PNPLA1: variants seen among roughly 807,000 people sequenced by gnomAD.
The protein encoded by PNPLA1 is patatin like domain 1, omega-hydroxyceramide transacylase.
Under a neutral mutation model 51.7 loss-of-function variants are expected in PNPLA1, and 36 were observed. That is an observed-to-expected ratio of 0.70 (90% confidence interval 0.53 to 0.92). The LOEUF (loss-of-function observed/expected upper bound fraction) is 0.92, where lower values mean the gene tolerates loss of function less well. Among genes scored for constraint, PNPLA1 ranks in the 40% least tolerant of loss-of-function variants. PNPLA1 has a pLI of 0.00. For synonymous variants in PNPLA1, 293 were observed against 280.1 expected (o/e 1.05, Z -0.46); for missense variants, 658 against 682.5 (o/e 0.96, Z 0.40).
chr6:36,252,187 C>T (rs1288130409), intron 1 of PNPLA1, among the ~76,000 whole-genome samples: 1 of 152,094 alleles, frequency 6.6e-6, no homozygotes, highest in African/African-American at 2.4e-5. Context: ...AAGGGCTTTC[C>T]CAGCCTCCCC....
rs185465254 is a variant in PNPLA1, at chr6:36,298,149, C to T, written c.775+2725C>T. ...AAATAGTTTGTTCCTTTTTACGTTC[C>T]GTGCCACTGTATGAATGTACCACAG... On this transcript the variant is annotated intron_variant, in intron 5 of 8. Coordinates refer to ENST00000636260, the MANE Select transcript of PNPLA1 (RefSeq NM_001374623.1). Among the ~76,000 whole-genome samples, 6 of 152,170 alleles carry T rather than the reference C, an allele frequency of 3.9e-5. No individual in the cohort carries two copies. The East Asian group carries it at 7.7e-4, about 20-fold the overall frequency.
At chr6:36,304,058 A>G (rs1771156973) in intron 6 of PNPLA1, among the ~76,000 whole-genome samples, 1 of 152,126 alleles carries the variant, frequency 6.6e-6, no homozygotes, top group African/African-American at 2.4e-5. Flanking sequence ...TAAAATGCTC[A>G]GGTGCAGTGC....
At chr6:36,252,563 A>G (rs920121977) in intron 1 of PNPLA1, among the ~76,000 whole-genome samples, 7 of 147,320 alleles carry the variant, frequency 4.8e-5, no homozygotes, top group African/African-American at 1.7e-4. Flanking sequence ...AAAAAAACCC[A>G]GGCACTGATG....
intron 1 of PNPLA1, among the ~76,000 whole-genome samples, chr6:36,278,802 C>T (rs770176254): frequency 3.9e-5 from 6 of 152,198 alleles, no homozygotes; most frequent in Admixed American, 6.5e-5. Flanking sequence ...AACATTCATT[C>T]GCTCATTCAT....
upstream of PNPLA1, among the ~76,000 whole-genome samples, chr6:36,268,221 T>A (rs570622384): frequency 4.6e-5 from 7 of 152,222 alleles, no homozygotes; most frequent in South Asian, 1.5e-3. Context: ...ATCTCTGGGG[T>A]CTATCTGTTC....
chr6:36,307,682 C>A lies in PNPLA1; in HGVS notation c.1565C>A (p.Ser522Ter). 4 of 1,613,892 alleles carry A rather than the reference C, an allele frequency of 2.5e-6. No homozygotes were observed. Among genetic ancestry groups the A allele is most frequent in the Non-Finnish European group, 3.4e-6 (4 of 1,179,930 alleles). Reference protein sequence around the residue: ...SGTRKGFPRHSGSKKPSSKVQ... With the variant: ...SGTRKGFPRH ...ACCAGAAAAGGCTTCCCAAGACATT[C>A]GGGATCCAAAAAACCAAGCAGCAAA... The change falls in exon 8 of 9, where the codon TCG (serine) becomes TAG (stop). Residue 522 changes from serine (S) to a stop codon, truncating the protein, a stop_gained. Transcript: ENST00000636260. LOFTEE classifies it low-confidence loss of function (END_TRUNC).
rs1561870739 is a variant in PNPLA1, at chr6:36,301,866, G to GT, written c.784dup (p.Tyr262LeufsTer3). The GT allele has an allele frequency of 6.2e-7, 1 of 1,613,034 alleles. No individual in the cohort carries two copies. The highest frequency in any genetic ancestry group is 8.5e-7 in the Non-Finnish European group (1 of 1,179,170). On this transcript the variant is annotated frameshift_variant, in exon 6 of 9. Coordinates refer to ENST00000636260, the MANE Select transcript of PNPLA1 (RefSeq NM_001374623.1). LOFTEE classifies it high-confidence loss of function. ...CATGCTATTGTTTATCCTAGATGCT[G>GT]TTTATCTTAATTCTTCCTCCAAGAG...
intron 1 of PNPLA1, among the ~76,000 whole-genome samples, chr6:36,250,794 C>A (rs1769403492): frequency 6.6e-6 from 1 of 152,138 alleles, no homozygotes; most frequent in Non-Finnish European, 1.5e-5. Flanking sequence ...ACCTCTGACT[C>A]CCCGGTTCAA....
intron 8 of PNPLA1, among the ~76,000 whole-genome samples, chr6:36,309,143 G>A (rs1028700802): frequency 5.3e-5 from 8 of 152,158 alleles, no homozygotes; most frequent in Non-Finnish European, 1.2e-4. Flanking sequence ...GGCTCATCTC[G>A]AAGTCTAAGC....
At position 36,294,244 on chromosome 6, in the gene PNPLA1, G is replaced by T; in HGVS notation, c.559G>T (p.Ala187Ser). The change falls in exon 4 of 9, where the codon GCC (alanine) becomes TCC (serine). Residue 187 changes from alanine (A) to serine (S), a missense_variant. Ala to Ser is a moderately conservative substitution (Grantham distance 99, BLOSUM62 1). Coordinates refer to ENST00000636260, the MANE Select transcript of PNPLA1 (RefSeq NM_001374623.1). The surrounding 1 kb of genome is among the most constrained non-coding windows in gnomAD (Gnocchi z 4.2). ...GMQPCAFWTD[A>S]ITISTFSGQQ... is the part of the protein sequence containing the mutation. ...GCAGCCCTGTGCCTTCTGGACCGAC[G>T]CCATCACCATCTCCACCTTCAGTGG... 6.2e-7 allele frequency: 1 copy of T among 1,614,168 alleles called. No homozygotes were observed. The highest frequency in any genetic ancestry group is 2.2e-5 in the East Asian group (1 of 44,894).
At chr6:36,266,824 A>C (rs537250508), upstream of PNPLA1, among the ~76,000 whole-genome samples, 27 of 152,350 alleles carry the variant, frequency 1.8e-4, no homozygotes, top group African/African-American at 3.8e-4. Context: ...CGTTTTGGCA[A>C]GAATAATCAC....
intron 8 of PNPLA1, among the ~76,000 whole-genome samples, chr6:36,309,372 G>T (rs1008997073): frequency 6.6e-6 from 1 of 152,110 alleles, no homozygotes; most frequent in Non-Finnish European, 1.5e-5. Context: ...CCTGACCTTT[G>T]AGTGTCCTTA....
Position 36,309,578 on chromosome 6 carries a change from G to A in PNPLA1, c.1595+1866G>A, listed in dbSNP as rs994571414. ...TGTGCAATTCAGCAAGAGCCACTTTGGTTAACAAACCTTCTGGGAATGAAG... is the reference window on the plus strand; with the variant it reads ...TGTGCAATTCAGCAAGAGCCACTTTAGTTAACAAACCTTCTGGGAATGAAG... On this transcript the variant is annotated intron_variant, in intron 8 of 8. Coordinates refer to ENST00000636260, the MANE Select transcript of PNPLA1 (RefSeq NM_001374623.1). Among the ~76,000 whole-genome samples, 5 of 152,270 alleles carry A rather than the reference G, an allele frequency of 3.3e-5. 1 individual carries two copies.
chr6:36,292,398 C>T (rs541007465), intron 2 of PNPLA1, among the ~76,000 whole-genome samples: 10 of 152,222 alleles, frequency 6.6e-5, no homozygotes, highest in East Asian at 1.9e-4. Context: ...TTTCTCTTCC[C>T]GGCCCTCTCC....
intron 1 of PNPLA1, among the ~76,000 whole-genome samples, chr6:36,288,661 T>TG (rs2127342425): frequency 6.6e-6 from 1 of 151,966 alleles, no homozygotes; most frequent in South Asian, 2.1e-4. Flanking sequence ...GGTTTCACCT[T>TG]GTTAGCCAGG....
intron 1 of PNPLA1, among the ~76,000 whole-genome samples, chr6:36,248,440 G>A (rs985155719): frequency 3.8e-4 from 58 of 152,156 alleles, no homozygotes; most frequent in African/African-American, 1.0e-3. Context: ...AAGTGACACA[G>A]CCTAAATTCA....
chr6:36,267,116 G>T (rs955621418), upstream of PNPLA1, among the ~76,000 whole-genome samples: 1 of 152,232 alleles, frequency 6.6e-6, no homozygotes, highest in Non-Finnish European at 1.5e-5. Flanking sequence ...GGATGGATGA[G>T]TCAGACAAGC....
chr6:36,290,826 C>T (rs1351154334), intron 1 of PNPLA1, among the ~76,000 whole-genome samples: 2 of 152,188 alleles, frequency 1.3e-5, no homozygotes, highest in Non-Finnish European at 2.9e-5. Context: ...GGCCAGCACC[C>T]CTTCCCTGCC....
At chr6:36,250,377 T>C (rs1769394594) in intron 1 of PNPLA1, among the ~76,000 whole-genome samples, 1 of 152,180 alleles carries the variant, frequency 6.6e-6, no homozygotes, top group Admixed American at 6.5e-5. Context: ...AAGCTGAGAA[T>C]ATCATGGTGT....
Sources: allele counts gnomAD v4.1 joint callset (sites outside exome capture counted in the v4.1 genomes callset), GRCh38; gene constraint gnomAD v4.1.1; non-coding constraint Gnocchi (gnomAD v3.1); transcripts MANE v1.5; gene names NCBI Gene and HGNC (gene_info 2026-07-23, HGNC 2026-07-21).